Variants in SPIDR observed in about 807,000 individuals in gnomAD.
The protein encoded by SPIDR is scaffold protein involved in DNA repair.
In SPIDR, 93 loss-of-function variants were observed where a neutral mutation model predicts 104.6. The observed-to-expected ratio is 0.89, with a 90% CI of 0.75 to 1.06. The LOEUF is 1.06. Ranked by LOEUF, SPIDR falls within the 50% of genes least tolerant of loss-of-function variation. The pLI, the probability that SPIDR is intolerant of heterozygous loss-of-function variation, is 0.00. For missense variants in SPIDR, 1,154 were observed against 1,111.2 expected, an observed-to-expected ratio of 1.04 and a Z score of -0.55; for synonymous variants, 431 against 416.9, an observed-to-expected ratio of 1.03 and a Z score of -0.41.
intron 1 of SPIDR, among the ~76,000 whole-genome samples, chr8:47,277,402 G>A (rs2154219267): frequency 6.6e-6 from 1 of 151,882 alleles, no homozygotes; most frequent in South Asian, 2.1e-4. Flanking sequence ...GTCTTGCTGT[G>A]TTGCCCAGGC....
chr8:47,583,484 C>T (rs2154414102), intron 8 of SPIDR, among the ~76,000 whole-genome samples: 1 of 152,226 alleles, frequency 6.6e-6, no homozygotes, highest in South Asian at 2.1e-4. Flanking sequence ...TCTATACATG[C>T]TATATCAACG....
chr8:47,424,541 C>G (rs2066107572), intron 7 of SPIDR, among the ~76,000 whole-genome samples: 6 of 152,108 alleles, frequency 3.9e-5, no homozygotes, highest in African/African-American at 1.4e-4. Flanking sequence ...TGGTCTCGAA[C>G]TCTTGGCCTC....
intron 3 of SPIDR, 91 bp downstream of exon 3, chr8:47,284,185 G>A: frequency 9.7e-7 from 1 of 1,032,314 alleles, no homozygotes; most frequent in Non-Finnish European, 1.5e-6. Context: ...TTAAAAAAGT[G>A]ACATGGTTTG....
At chr8:47,471,269 A>G (rs1380893516) in intron 8 of SPIDR, among the ~76,000 whole-genome samples, 1 of 151,052 alleles carries the variant, frequency 6.6e-6, no homozygotes, top group South Asian at 2.1e-4. Context: ...TTCAAATTGT[A>G]TATCTGCTAA....
At chr8:47,484,774 T>C (rs1403243816) in intron 8 of SPIDR, among the ~76,000 whole-genome samples, 3 of 152,180 alleles carry the variant, frequency 2.0e-5, no homozygotes, top group Non-Finnish European at 4.4e-5. Flanking sequence ...ATTACAGTAT[T>C]GTATCAATGT....
At chr8:47,693,066 T>C (rs139159510) in intron 11 of SPIDR, among the ~76,000 whole-genome samples, 363 of 152,352 alleles carry the variant, frequency 2.4e-3, no homozygotes, top group African/African-American at 8.0e-3. Context: ...AAGGTTTCCA[T>C]GGCTCCTACC....
chr8:47,312,287 A>G (rs1484678224), intron 5 of SPIDR, among the ~76,000 whole-genome samples: 1 of 152,168 alleles, frequency 6.6e-6, no homozygotes, highest in Admixed American at 6.5e-5. Context: ...TCCCTGAGGA[A>G]TCGCCACACT....
At chr8:47,572,751 T>G (rs1227877672) in intron 8 of SPIDR, among the ~76,000 whole-genome samples, 1 of 152,116 alleles carries the variant, frequency 6.6e-6, no homozygotes, top group Non-Finnish European at 1.5e-5. Flanking sequence ...AAGATGTGGT[T>G]TGCAATTGAG....
intron 10 of SPIDR, among the ~76,000 whole-genome samples, chr8:47,669,179 T>C (rs1412220036): frequency 6.6e-6 from 1 of 152,196 alleles, no homozygotes; most frequent in Non-Finnish European, 1.5e-5. Context: ...TGATAAAATT[T>C]ATGGTAAATA....
chr8:47,408,122 A>G (rs2063003831), intron 7 of SPIDR, 161 bp downstream of exon 7: 1 of 390,034 alleles, frequency 2.6e-6, no homozygotes, highest in Non-Finnish European at 4.5e-6. Flanking sequence ...TATATAGTAA[A>G]TATATTTAAC....
At chr8:47,302,678 C>T (rs587662972) in intron 5 of SPIDR, among the ~76,000 whole-genome samples, 2,197 of 152,300 alleles carry the variant, frequency 0.014, 163 homozygotes, top group Admixed American at 0.12. Flanking sequence ...GGACCCTCAG[C>T]TGCAGGTCTG....
chr8:47,576,867 T>C (rs1228935640), intron 8 of SPIDR, among the ~76,000 whole-genome samples: 3 of 152,252 alleles, frequency 2.0e-5, no homozygotes, highest in Non-Finnish European at 4.4e-5. Context: ...TAGGTGATAT[T>C]ATGGCTTGTA....
At chr8:47,536,424 A>G (rs2086926925) in intron 8 of SPIDR, among the ~76,000 whole-genome samples, 1 of 152,218 alleles carries the variant, frequency 6.6e-6, no homozygotes, top group Admixed American at 6.5e-5. Context: ...AGGAAAAAGA[A>G]TAGCCAAATA....
intron 5 of SPIDR, among the ~76,000 whole-genome samples, chr8:47,366,158 G>A (rs782305302): frequency 4.6e-5 from 7 of 152,086 alleles, no homozygotes; most frequent in Admixed American, 6.6e-5. Flanking sequence ...GGAGCTGACC[G>A]TTCCCTGCTT....
At chr8:47,613,372 T>C (rs1233852273) in intron 10 of SPIDR, among the ~76,000 whole-genome samples, 1 of 152,258 alleles carries the variant, frequency 6.6e-6, no homozygotes, top group Non-Finnish European at 1.5e-5. Flanking sequence ...TGTATAGATA[T>C]ATCACATCTT....
At chr8:47,605,085 A>G (rs1018806615) in intron 10 of SPIDR, among the ~76,000 whole-genome samples, 1 of 152,248 alleles carries the variant, frequency 6.6e-6, no homozygotes, top group Admixed American at 6.5e-5. Flanking sequence ...TTAGGGAAAC[A>G]ATAGAGACAA....
chr8:47,569,852 A>T (rs2058315403), intron 8 of SPIDR, among the ~76,000 whole-genome samples: 1 of 152,216 alleles, frequency 6.6e-6, no homozygotes. Context: ...TGCAATGAAC[A>T]ATCTGAAAAT....
chr8:47,265,876 T>A (rs968540979), intron 1 of SPIDR, among the ~76,000 whole-genome samples: 2 of 152,148 alleles, frequency 1.3e-5, no homozygotes, highest in Non-Finnish European at 2.9e-5. Context: ...TCTTACCATG[T>A]CTTTATATGG....
At chr8:47,597,283 G>A (rs1333527402) in intron 9 of SPIDR, among the ~76,000 whole-genome samples, 1 of 151,958 alleles carries the variant, frequency 6.6e-6, no homozygotes, top group Non-Finnish European at 1.5e-5. Context: ...TGTTACATAT[G>A]TATACATGTT....
Sources: allele counts gnomAD v4.1 joint callset (sites outside exome capture counted in the v4.1 genomes callset), GRCh38; gene constraint gnomAD v4.1.1; transcripts MANE v1.5; gene names NCBI Gene and HGNC (gene_info 2026-07-23, HGNC 2026-07-21).